The following CCSER1 variants were observed in gnomAD, a reference collection of about 807,000 sequenced individuals.
CCSER1 encodes serine-rich coiled-coil domain-containing protein 1.
CCSER1 carries 41 observed loss-of-function variants against 82.0 expected under a neutral mutation model. That is an observed-to-expected ratio of 0.50 (90% CI 0.39 to 0.65). The LOEUF (loss-of-function observed/expected upper bound fraction) is 0.65, where lower values mean the gene tolerates loss of function less well. Ranked by LOEUF, CCSER1 falls within the 30% of genes least tolerant of loss-of-function variation. The pLI, the probability that CCSER1 is intolerant of heterozygous loss-of-function variation, is 0.00. For synonymous variants in CCSER1, 414 were observed against 383.9 expected (o/e 1.08, Z -0.92); for missense variants, 1,119 against 1,064.2 (o/e 1.05, Z -0.72).
At chr4:91,577,933 T>G (rs1763528132) in intron 10 of CCSER1, among the ~76,000 whole-genome samples, 1 of 152,002 alleles carries the variant, frequency 6.6e-6, no homozygotes, top group Non-Finnish European at 1.5e-5. Context: ...AAAAAAAAGT[T>G]CTTGGACATT....
intron 1 of CCSER1, 93 bp downstream of exon 1, chr4:90,127,924 C>G (rs2153303372): frequency 6.6e-6 from 1 of 151,968 alleles, no homozygotes; most frequent in South Asian, 2.1e-4. Flanking sequence ...GGGATGACCG[C>G]TCGGCAGGTG....
intron 1 of CCSER1, among the ~76,000 whole-genome samples, chr4:90,242,020 G>A (rs1746948998): frequency 6.6e-6 from 1 of 151,978 alleles, no homozygotes; most frequent in Non-Finnish European, 1.5e-5. Context: ...AAATAACAAA[G>A]CATAGGCTGG....
chr4:90,748,031 T>A (rs1172814470), intron 7 of CCSER1, among the ~76,000 whole-genome samples: 1 of 111,396 alleles, frequency 9.0e-6, no homozygotes, highest in Non-Finnish European at 1.9e-5. Context: ...ATGTGCCACA[T>A]TTTCTTCTTT....
In CCSER1 at chr4:91,604,101, A is replaced by AATT. The variant is rs1355984198; in HGVS notation, c.*5048_*5050dup. 2 of 152,106 alleles carry AATT rather than the reference A, an allele frequency of 1.3e-5. No homozygotes were observed. Among genetic ancestry groups the AATT allele is most frequent in the Non-Finnish European group, 2.9e-5 (2 of 67,998 alleles). 9.4% of individuals were successfully genotyped at this position (152,106 alleles called of 1,614,324 possible). On this transcript the variant is annotated 3_prime_UTR_variant, in exon 11 of 11. Transcript: ENST00000509176. ...CACATACTTCAATAACTAGTTAGGT[A>AATT]ATTATTGTTTTACTCTTTTGTAGAT...
chr4:90,714,074 C>A (rs1741174067), intron 6 of CCSER1, among the ~76,000 whole-genome samples: 1 of 151,954 alleles, frequency 6.6e-6, no homozygotes, highest in Admixed American at 6.6e-5. Context: ...AATTCATTCG[C>A]CCCTTTTCAT....
At chr4:91,393,474 TGTC>T (rs1431685335) in intron 10 of CCSER1, among the ~76,000 whole-genome samples, 3 of 152,200 alleles carry the variant, frequency 2.0e-5, no homozygotes, top group Admixed American at 1.3e-4. Context: ...CTATATTTTT[TGTC>T]GTATTATATT....
At chr4:90,664,944 G>A (rs1470159961) in intron 6 of CCSER1, among the ~76,000 whole-genome samples, 1 of 152,082 alleles carries the variant, frequency 6.6e-6, no homozygotes, top group African/African-American at 2.4e-5. Context: ...ATAAATTTTT[G>A]GCGTAAAGTA....
chr4:90,294,122 A>G (rs1731423089), intron 1 of CCSER1, among the ~76,000 whole-genome samples: 1 of 152,092 alleles, frequency 6.6e-6, no homozygotes, highest in Admixed American at 6.6e-5. Context: ...ATAGAATCCG[A>G]GCTGTTACAA....
At chr4:91,149,999 T>A (rs1183887666) in intron 10 of CCSER1, among the ~76,000 whole-genome samples, 1 of 152,212 alleles carries the variant, frequency 6.6e-6, no homozygotes, top group Non-Finnish European at 1.5e-5. Flanking sequence ...AAAGTAGTTT[T>A]TTCCAATTCT....
chr4:90,969,678 G>C (rs1330160173), intron 9 of CCSER1, among the ~76,000 whole-genome samples: 1 of 151,930 alleles, frequency 6.6e-6, no homozygotes, highest in African/African-American at 2.4e-5. Flanking sequence ...AAATGGTAAA[G>C]GGAGTTCTTC....
chr4:91,358,832 A>C (rs900549477), intron 10 of CCSER1, among the ~76,000 whole-genome samples: 1 of 152,078 alleles, frequency 6.6e-6, no homozygotes, highest in Non-Finnish European at 1.5e-5. Flanking sequence ...CGCTCTTTGG[A>C]TCACGTCACT....
At chr4:91,008,912 T>G (rs1738752430) in intron 9 of CCSER1, among the ~76,000 whole-genome samples, 1 of 152,188 alleles carries the variant, frequency 6.6e-6, no homozygotes, top group Admixed American at 6.5e-5. Context: ...TATAGCTCTA[T>G]TAGAAGCTGT....
intron 4 of CCSER1, among the ~76,000 whole-genome samples, chr4:90,431,937 C>G (rs896048143): frequency 6.6e-6 from 1 of 152,072 alleles, no homozygotes; most frequent in African/African-American, 2.4e-5. Flanking sequence ...GACACTAATG[C>G]TGGCAAACTC....
chr4:90,379,458 T>G (rs775511353), intron 3 of CCSER1, among the ~76,000 whole-genome samples: 49 of 152,140 alleles, frequency 3.2e-4, no homozygotes, highest in Admixed American at 1.4e-3. Flanking sequence ...CAGATAACAA[T>G]GTGAGGCACA....
chr4:91,408,249 C>A (rs1752819962), intron 10 of CCSER1, among the ~76,000 whole-genome samples: 1 of 152,078 alleles, frequency 6.6e-6, no homozygotes, highest in Non-Finnish European at 1.5e-5. Context: ...AACCTCTTAC[C>A]TTTTATGGAT....
intron 5 of CCSER1, among the ~76,000 whole-genome samples, chr4:90,563,327 G>T (rs1286800854): frequency 6.6e-6 from 1 of 151,942 alleles, no homozygotes; most frequent in African/African-American, 2.4e-5. Context: ...AGCCAGGATG[G>T]TCTCGATCTC....
intron 5 of CCSER1, among the ~76,000 whole-genome samples, chr4:90,482,545 G>T (rs1255673582): frequency 6.6e-6 from 1 of 152,192 alleles, no homozygotes; most frequent in Non-Finnish European, 1.5e-5. Context: ...TGCTTTGAAT[G>T]TGTCCCAGAG....
intron 6 of CCSER1, among the ~76,000 whole-genome samples, chr4:90,706,714 C>T (rs1019709636): frequency 2.0e-5 from 3 of 152,132 alleles, no homozygotes; most frequent in African/African-American, 7.2e-5. Flanking sequence ...TACAGCAAAA[C>T]AAAATTTGCA....
At position 90,401,993 on chromosome 4, in the gene CCSER1, A is replaced by T. The variant is rs553902201; in HGVS notation, c.1603+1864A>T. Among the ~76,000 whole-genome samples, 220 of 152,204 alleles carry T rather than the reference A, an allele frequency of 1.4e-3. 1 individual carries two copies. Among genetic ancestry groups the T allele is most frequent in the Non-Finnish European group, 2.7e-3 (182 of 68,030 alleles). On this transcript the variant is annotated intron_variant, in intron 4 of 10. Coordinates refer to ENST00000509176, the MANE Select transcript of CCSER1 (RefSeq NM_001145065.2). Reference sequence around the variant, plus strand: ...AATGCTGACTGAAGTACAACAGCACAACCTCTGAAGTGTTCGTGTCCTCTC... The same window carrying T: ...AATGCTGACTGAAGTACAACAGCACTACCTCTGAAGTGTTCGTGTCCTCTC...
Sources: gnomAD v4.1 joint callset for allele counts (sites outside exome capture counted in the v4.1 genomes callset) on GRCh38, gnomAD v4.1.1 for gene constraint, MANE v1.5 for transcripts, NCBI Gene and HGNC (gene_info 2026-07-23, HGNC 2026-07-21) for gene names.